KIF9: variants seen among roughly 807,000 people sequenced by gnomAD.
The protein encoded by KIF9 is kinesin family member 9, also known as kinesin-like protein KIF9.
In KIF9, 68 loss-of-function variants were observed where a neutral mutation model predicts 94.8. The ratio of observed to expected loss-of-function variants is 0.72; its 90% CI spans 0.59 to 0.88. The LOEUF (loss-of-function observed/expected upper bound fraction) is 0.88, where lower values mean the gene tolerates loss of function less well. KIF9 is among the 40% of genes least tolerant of loss of function. KIF9 has a pLI of 0.00. For synonymous variants in KIF9, 343 were observed against 362.1 expected (o/e 0.95, Z 0.60); for missense variants, 882 against 982.5 (o/e 0.90, Z 1.37).
At chr3:47,245,959 G>A (rs940928913) in intron 13 of KIF9, 4 of 523,970 alleles carry the variant, frequency 7.6e-6, no homozygotes, top group Admixed American at 3.3e-5. Flanking sequence ...TATTCACAAG[G>A]TGAATATTCA....
intron 10 of KIF9, among the ~76,000 whole-genome samples, chr3:47,256,869 G>A (rs1328794552): frequency 6.6e-6 from 1 of 152,186 alleles, no homozygotes; most frequent in Admixed American, 6.5e-5. Flanking sequence ...TCTGAAACAT[G>A]TGCTGTGTCC....
chr3:47,282,409 T>C, intron 1 of KIF9, 86 bp downstream of exon 1: 11 of 985,328 alleles, frequency 1.1e-5, no homozygotes, highest in Non-Finnish European at 1.3e-5. Flanking sequence ...GATAAAGCGG[T>C]TTTTGGACCC....
intron 11 of KIF9, 128 bp from the exon 12 acceptor site, chr3:47,247,605 T>C: frequency 2.8e-6 from 2 of 713,714 alleles, no homozygotes; most frequent in Non-Finnish European, 2.5e-6. Flanking sequence ...AGCTGGCTCC[T>C]TCCCTTCATC....
intron 17 of KIF9, 95 bp downstream of exon 17, chr3:47,240,706 C>T (rs2107147031): frequency 1.9e-6 from 2 of 1,038,032 alleles, no homozygotes; most frequent in East Asian, 4.8e-5. Flanking sequence ...CTGGCCCCCT[C>T]CCATCTCAGA....
intron 9 of KIF9, among the ~76,000 whole-genome samples, chr3:47,261,671 C>G (rs1197123682): frequency 1.3e-5 from 2 of 152,178 alleles, no homozygotes; most frequent in Non-Finnish European, 2.9e-5. Context: ...CAGCCACTGA[C>G]CCCCTGCAGG....
rs139973674 is a variant in KIF9 at position 47,241,731 on chromosome 3, A to G, written c.1710-716T>C. Among the ~76,000 whole-genome samples the G allele has an allele frequency of 5.1e-4, 75 of 148,508 alleles. No individual in the cohort carries two copies. The East Asian group carries it at 0.014, about 29-fold the overall frequency. Reference sequence around the variant, plus strand: ...CACACACACATATAAAACATTTTATATATGTGTGTGTATATATACGTATAT... The same window carrying G: ...CACACACACATATAAAACATTTTATGTATGTGTGTGTATATATACGTATAT... On this transcript the variant is annotated intron_variant, in intron 16 of 20. Transcript: ENST00000684063.
Position 47,234,573 on chromosome 3 carries a change from G to T in KIF9, c.2322+940C>A, listed in dbSNP as rs558159243. On this transcript the variant is annotated intron_variant, in intron 20 of 20. Transcript: ENST00000684063. ...CAGCATTTTTTTTTTCTTTTTTTTT[G>T]AGATAGAGTTTCGCTTTATTGCACA... Among the ~76,000 whole-genome samples the T allele has an allele frequency of 1.1e-4, 14 of 133,144 alleles. No homozygotes were observed. The South Asian group carries it at 1.9e-3, about 18-fold the overall frequency. 87.3% of individuals were successfully genotyped at this position (133,144 alleles called of 152,430 possible). A position where few individuals can be genotyped will look rare whatever the true frequency, so the allele number is the denominator to read the frequency against.
chr3:47,264,789 C>T (rs185754089), intron 8 of KIF9, among the ~76,000 whole-genome samples: 117 of 152,266 alleles, frequency 7.7e-4, no homozygotes, highest in East Asian at 6.6e-3. Context: ...GTTGTAACCC[C>T]GACGTGATGG....
intron 16 of KIF9, among the ~76,000 whole-genome samples, chr3:47,242,173 C>T (rs934100810): frequency 6.6e-6 from 1 of 152,088 alleles, no homozygotes; most frequent in African/African-American, 2.4e-5. Context: ...AGCCACCGTG[C>T]CTGGCCTTTT....
intron 1 of KIF9, among the ~76,000 whole-genome samples, chr3:47,278,382 T>A (rs952487056): frequency 1.1e-4 from 17 of 152,302 alleles, no homozygotes; most frequent in Non-Finnish European, 2.1e-4. Flanking sequence ...CAATATTTTT[T>A]AAAAAATTAA....
intron 16 of KIF9, 49 bp downstream of exon 16, chr3:47,243,002 A>C: frequency 6.9e-7 from 1 of 1,441,242 alleles, no homozygotes; most frequent in Non-Finnish European, 9.6e-7. Flanking sequence ...GTTGAGGATC[A>C]CATATGGTTT....
At chr3:47,250,108 A>AC (rs1553618363) in intron 10 of KIF9, among the ~76,000 whole-genome samples, 1 of 151,674 alleles carries the variant, frequency 6.6e-6, no homozygotes, top group Non-Finnish European at 1.5e-5. Context: ...AAAATCTCTA[A>AC]TTTTTTTTCA....
intron 10 of KIF9, among the ~76,000 whole-genome samples, chr3:47,251,397 C>T (rs968737197): frequency 6.6e-6 from 1 of 152,160 alleles, no homozygotes; most frequent in Admixed American, 6.5e-5. Context: ...GAAACCCCAT[C>T]TCTACTAAAA....
chr3:47,229,836 C>A (rs571842220), intron 20 of KIF9, among the ~76,000 whole-genome samples: 3 of 151,764 alleles, frequency 2.0e-5, no homozygotes, highest in East Asian at 3.9e-4. Context: ...CGGGTTCAAG[C>A]GATTCTCCTG....
At chr3:47,271,129 C>A in intron 5 of KIF9, 108 bp downstream of exon 5, 2 of 841,228 alleles carry the variant, frequency 2.4e-6, no homozygotes, top group South Asian at 1.7e-5. Flanking sequence ...TGGAGAAAAA[C>A]CAAGATCCTG....
At chr3:47,258,686 T>C (rs1459091798) in intron 9 of KIF9, among the ~76,000 whole-genome samples, 4 of 152,154 alleles carry the variant, frequency 2.6e-5, no homozygotes, top group Non-Finnish European at 5.9e-5. Flanking sequence ...GCTCCTGCCA[T>C]GTAAGACGTC....
chr3:47,252,915 A>G (rs1700362071), intron 10 of KIF9, among the ~76,000 whole-genome samples: 1 of 151,950 alleles, frequency 6.6e-6, no homozygotes, highest in African/African-American at 2.4e-5. Context: ...TAGGAGGCTG[A>G]GGCAGGAGAA....
rs1436209456 is a variant in KIF9 at position 47,243,399 on chromosome 3, G to A, written c.1515-154C>T. 9.0e-5 allele frequency: 47 copies of A among 520,174 alleles called. No homozygotes were observed. The Admixed American group carries it at 1.6e-3, about 18-fold the overall frequency. 32.2% of individuals were successfully genotyped at this position (520,174 alleles called of 1,614,324 possible). ...ATGCCTAGGTAAAAGCGCAAATAGT[G>A]TGATGCTAAGCCAGGCAGATGTGGA... On this transcript the variant is annotated intron_variant, in intron 15 of 20. Transcript: ENST00000684063.
At chr3:47,272,026 A>G (rs1158163811) in intron 4 of KIF9, among the ~76,000 whole-genome samples, 1 of 152,192 alleles carries the variant, frequency 6.6e-6, no homozygotes, top group African/African-American at 2.4e-5. Flanking sequence ...AGGCTGAGGC[A>G]GGAGAATCTC....
Sources: allele counts gnomAD v4.1 joint callset (sites outside exome capture counted in the v4.1 genomes callset), GRCh38; gene constraint gnomAD v4.1.1; transcripts MANE v1.5; gene names NCBI Gene and HGNC (gene_info 2026-07-23, HGNC 2026-07-21).